The following LRRC58 variants were observed in gnomAD, a reference collection of about 807,000 sequenced individuals.
LRRC58 encodes leucine-rich repeat-containing protein 58.
In LRRC58, 18 loss-of-function variants were observed where a neutral mutation model predicts 30.6. The ratio of observed to expected loss-of-function variants is 0.59; its 90% confidence interval spans 0.41 to 0.87. The LOEUF (loss-of-function observed/expected upper bound fraction) is 0.87. Among genes scored for constraint, LRRC58 ranks in the 40% least tolerant of loss-of-function variants. LRRC58 has a pLI of 0.00. For missense variants in LRRC58, 420 were observed against 468.4 expected (o/e 0.90, Z 0.95); for synonymous variants, 221 against 206.0 (o/e 1.07, Z -0.62).
intron 3 of LRRC58, among the ~76,000 whole-genome samples, chr3:120,333,691 T>C (rs1481082295): frequency 6.6e-6 from 1 of 152,172 alleles, no homozygotes; most frequent in African/African-American, 2.4e-5. Context: ...GGAGCCAAAG[T>C]GAAAAATGAC....
Position 120,349,286 on chromosome 3 carries a change from CCG to C in LRRC58, c.-45_-44del. On this transcript the variant is annotated 5_prime_UTR_variant, in exon 1 of 4. Coordinates refer to ENST00000295628, the MANE Select transcript of LRRC58 (RefSeq NM_001099678.2). ...GCGTGGCGCCGGATTCCCCAGAGCG[CCG>C]CGCGCGGTCCAGAGGCCGGGAGCTC... 7.4e-7 allele frequency: 1 copy of C among 1,350,646 alleles called. No individual in the cohort carries two copies. The allele number at this position is 1,350,646 out of a possible 1,614,324, so 83.7% of individuals were successfully genotyped here. A position where few individuals can be genotyped will look rare whatever the true frequency, so the allele number is the denominator to read the frequency against.
In LRRC58 at chr3:120,324,546, T is replaced by C. The variant is rs1255482562; in HGVS notation, c.*6654A>G. ...CATATTTAATGTATGTATTCAATGA[T>C]GTAACAAGTAATCAGGCAAATATCA... On this transcript the variant is annotated 3_prime_UTR_variant, in exon 4 of 4. Transcript: ENST00000295628. 1.3e-5 allele frequency: 2 copies of C among 152,228 alleles called. No individual in the cohort carries two copies. Among genetic ancestry groups the C allele is most frequent in the Non-Finnish European group, 2.9e-5 (2 of 68,032 alleles). The allele number at this position is 152,228 out of a possible 1,614,324, so 9.4% of individuals were successfully genotyped here. A position where few individuals can be genotyped will look rare whatever the true frequency, so the allele number is the denominator to read the frequency against.
At chr3:120,331,483 G>T in intron 3 of LRRC58, 75 bp from the exon 4 acceptor site, 1 of 1,106,206 alleles carries the variant, frequency 9.0e-7, no homozygotes, top group Non-Finnish European at 1.4e-6. Flanking sequence ...TTTCTCCAGT[G>T]TTCTGGAGAA....
In LRRC58 at chr3:120,331,172, A is replaced by C; in HGVS notation, c.*28T>G. 1 of 1,599,310 alleles carries C rather than the reference A, an allele frequency of 6.3e-7. No individual in the cohort carries two copies. Among genetic ancestry groups the C allele is most frequent in the Non-Finnish European group, 8.6e-7 (1 of 1,167,134 alleles). On this transcript the variant is annotated 3_prime_UTR_variant, in exon 4 of 4. Coordinates refer to ENST00000295628, the MANE Select transcript of LRRC58 (RefSeq NM_001099678.2). ...TCTAACCATTTTGCTCAGTTTTTTA[A>C]GTATTTCACAACACTGTGCACTCCT...
intron 3 of LRRC58, among the ~76,000 whole-genome samples, chr3:120,332,245 C>T (rs1017044675): frequency 2.0e-5 from 3 of 152,222 alleles, no homozygotes; most frequent in Admixed American, 1.3e-4. Flanking sequence ...GAATCTCAAG[C>T]TCTATACTCT....
intron 1 of LRRC58, among the ~76,000 whole-genome samples, chr3:120,346,669 A>C (rs1353850751): frequency 3.3e-5 from 5 of 152,176 alleles, no homozygotes; most frequent in Non-Finnish European, 7.4e-5. Context: ...ATGCAACATT[A>C]AAATTAGAAG....
At position 120,330,951 on chromosome 3, in the gene LRRC58, G is replaced by A. The variant is rs1478445221; in HGVS notation, c.*249C>T. 3 of 466,068 alleles carry A rather than the reference G, an allele frequency of 6.4e-6. No individual in the cohort carries two copies. Among genetic ancestry groups the A allele is most frequent in the African/African-American group, 2.0e-5 (1 of 51,218 alleles). 28.9% of individuals were successfully genotyped at this position (466,068 alleles called of 1,614,324 possible). ...GCTTTGTGATTCATGCAAAACTTGAGTGAAAACTGCAAACCATCAGCCAAA... is the reference window on the plus strand; with the variant it reads ...GCTTTGTGATTCATGCAAAACTTGAATGAAAACTGCAAACCATCAGCCAAA... On this transcript the variant is annotated 3_prime_UTR_variant, in exon 4 of 4. Transcript: ENST00000295628.
At chr3:120,345,809 T>TA (rs1156713357) in intron 1 of LRRC58, among the ~76,000 whole-genome samples, 2 of 152,220 alleles carry the variant, frequency 1.3e-5, no homozygotes, top group East Asian at 1.9e-4. Flanking sequence ...ACAGTGACGT[T>TA]AAAGATATCA....
intron 1 of LRRC58, among the ~76,000 whole-genome samples, chr3:120,348,216 T>C (rs775497146): frequency 6.6e-6 from 1 of 152,092 alleles, no homozygotes; most frequent in African/African-American, 2.4e-5. Flanking sequence ...ACATACTGAG[T>C]GCCTACCAGC....
intron 3 of LRRC58, among the ~76,000 whole-genome samples, chr3:120,332,046 C>T (rs554668189): frequency 7.9e-5 from 12 of 152,300 alleles, no homozygotes; most frequent in Non-Finnish European, 1.6e-4. Context: ...TAGGTTAGTG[C>T]TCCTCGACTG....
intron 1 of LRRC58, among the ~76,000 whole-genome samples, chr3:120,342,703 C>G (rs1306183437): frequency 6.6e-6 from 1 of 152,220 alleles, no homozygotes; most frequent in Non-Finnish European, 1.5e-5. Context: ...TGTCTGTGTA[C>G]CTCATTCTTC....
rs1334844452 is a variant in LRRC58, at chr3:120,331,196, C to G, written c.*4G>C. 1.9e-6 allele frequency: 3 copies of G among 1,613,578 alleles called. No individual in the cohort carries two copies. In the Middle Eastern group the frequency reaches 4.9e-4, roughly 266 times the overall value. On this transcript the variant is annotated 3_prime_UTR_variant, in exon 4 of 4. Transcript: ENST00000295628. Reference sequence around the variant, plus strand: ...AAGTATTTCACAACACTGTGCACTCCTGTTCAACCAAGAAGAACTTTCTGC... The same window carrying G: ...AAGTATTTCACAACACTGTGCACTCGTGTTCAACCAAGAAGAACTTTCTGC...
intron 1 of LRRC58, among the ~76,000 whole-genome samples, chr3:120,343,251 C>G (rs952255333): frequency 8.5e-5 from 13 of 152,176 alleles, no homozygotes; most frequent in African/African-American, 3.1e-4. Flanking sequence ...TTATTTTTTA[C>G]TTTCTAACTC....
intron 1 of LRRC58, among the ~76,000 whole-genome samples, chr3:120,342,952 C>G (rs1436532772): frequency 6.6e-6 from 1 of 152,186 alleles, no homozygotes; most frequent in Non-Finnish European, 1.5e-5. Context: ...CAGTTTACGT[C>G]TTGTTATAGT....
At chr3:120,338,493 G>C (rs1935863175) in intron 1 of LRRC58, among the ~76,000 whole-genome samples, 1 of 152,206 alleles carries the variant, frequency 6.6e-6, no homozygotes, top group African/African-American at 2.4e-5. Context: ...CATTATGCCA[G>C]ATAGTTTTAA....
chr3:120,329,505 G>T lies in LRRC58; in HGVS notation c.*1695C>A, dbSNP rs1437978581. 1 of 151,852 alleles carries T rather than the reference G, an allele frequency of 6.6e-6. No homozygotes were observed. The highest frequency in any genetic ancestry group is 1.5e-5 in the Non-Finnish European group (1 of 67,878). The allele number at this position is 151,852 out of a possible 1,614,324, so 9.4% of individuals were successfully genotyped here. A position where few individuals can be genotyped will look rare whatever the true frequency, so the allele number is the denominator to read the frequency against. ...ACATTATAACAAGGTAAAGGTGAAG[G>T]GATTCATTCTATAGCAGCGTTTCAC... On this transcript the variant is annotated 3_prime_UTR_variant, in exon 4 of 4. Transcript: ENST00000295628.
chr3:120,332,986 G>A lies in LRRC58; in HGVS notation c.908-1578C>T, dbSNP rs115250706. Among the ~76,000 whole-genome samples, 755 of 151,680 alleles carry A rather than the reference G, an allele frequency of 5.0e-3. 3 individuals are homozygous for A. Among genetic ancestry groups the A allele is most frequent in the Non-Finnish European group, 8.6e-3 (584 of 67,950 alleles). ...GCTGGTCTCAAACTCCTGGGCTTAA[G>A]AGATCCTCTTGCCTCGAATGGCGTG... On this transcript the variant is annotated intron_variant, in intron 3 of 3. Coordinates refer to ENST00000295628, the MANE Select transcript of LRRC58 (RefSeq NM_001099678.2).
chr3:120,347,637 T>C (rs1202715488), intron 1 of LRRC58, among the ~76,000 whole-genome samples: 2 of 151,432 alleles, frequency 1.3e-5, no homozygotes, highest in African/African-American at 4.9e-5. Context: ...ATGATCCACC[T>C]GCCTTGGCCT....
chr3:120,331,153 C>T lies in LRRC58; in HGVS notation c.*47G>A, dbSNP rs766169633. 6.6e-7 allele frequency: 1 copy of T among 1,523,420 alleles called. No homozygotes were observed. 94.4% of individuals were successfully genotyped at this position (1,523,420 alleles called of 1,614,324 possible). A position where few individuals can be genotyped will look rare whatever the true frequency, so the allele number is the denominator to read the frequency against. On this transcript the variant is annotated 3_prime_UTR_variant, in exon 4 of 4. Coordinates refer to ENST00000295628, the MANE Select transcript of LRRC58 (RefSeq NM_001099678.2). ...TTCAAGCTCTATTTTCTTGTCTAAC[C>T]ATTTTGCTCAGTTTTTTAAGTATTT... is the stretch of plus-strand genomic sequence containing the variant.
Sources: allele counts gnomAD v4.1 joint callset (sites outside exome capture counted in the v4.1 genomes callset), GRCh38; gene constraint gnomAD v4.1.1; transcripts MANE v1.5; gene names NCBI Gene and HGNC (gene_info 2026-07-23, HGNC 2026-07-21).